The following MED13L variants were observed in gnomAD, a reference collection of about 807,000 sequenced individuals.
MED13L encodes the protein mediator of RNA polymerase II transcription subunit 13-like.
A neutral mutation model predicts 220.9 loss-of-function variants in MED13L; 7 were observed. The observed-to-expected ratio is 0.03, with a 90% confidence interval of 0.02 to 0.06. MED13L has a LOEUF of 0.06. Ranked by LOEUF, MED13L falls within the 10% of genes least tolerant of loss-of-function variation. MED13L has a pLI of 1.00. For missense variants in MED13L, 1,965 were observed against 2,760.5 expected (o/e 0.71, Z 6.46); for synonymous variants, 1,011 against 1,015.2 (o/e 1.00, Z 0.08).
rs560587245 is a variant in MED13L, at chr12:116,158,518, T to A, written c.311-47006A>T. On this transcript the variant is annotated intron_variant, in intron 2 of 30. Transcript: ENST00000281928. ...AACTAATTGGCAAAGATAAGTCCGATTTGGTGATATTTAAACAATACATGG... is the reference window on the plus strand; with the variant it reads ...AACTAATTGGCAAAGATAAGTCCGAATTGGTGATATTTAAACAATACATGG... 1.2e-3 allele frequency among the ~76,000 whole-genome samples: 190 copies of A among 152,308 alleles called. 2 individuals carry two copies. Among genetic ancestry groups the A allele is most frequent in the African/African-American group, 4.3e-3 (179 of 41,568 alleles).
chr12:115,961,351 G>A lies in MED13L; in HGVS notation c.6548C>T (p.Pro2183Leu), dbSNP rs151124575. Residue 2183 changes from proline (P) to leucine (L), a missense_variant, in exon 31 of 31, where the codon CCG becomes CTG. Physicochemically the swap from Pro to Leu is moderately conservative, Grantham distance 98. Around this residue, in one of 10 missense-constraint regions of MED13L, gnomAD observed 145 missense variants for 328.3 expected, o/e 0.44. Coordinates refer to ENST00000281928, the MANE Select transcript of MED13L (RefSeq NM_015335.5). ...GCAGGAAGTACGGTCCTGGGTGGCC[G>A]GATTGCACGTGAGCCAGGACAGAGC... ...YNALSWLTCN[P>L]ATQDRTSCLP... 6.8e-6 allele frequency: 11 copies of A among 1,613,994 alleles called. No homozygotes were observed. The highest frequency in any genetic ancestry group is 2.7e-5 in the African/African-American group (2 of 74,918).
Position 115,982,545 on chromosome 12 carries a change from C to G in MED13L, c.5014G>C (p.Ala1672Pro). 6.2e-7 allele frequency: 1 copy of G among 1,614,126 alleles called. No individual in the cohort carries two copies. The highest frequency in any genetic ancestry group is 8.5e-7 in the Non-Finnish European group (1 of 1,180,010). The change falls in exon 22 of 31, where the codon GCC becomes CCC. Residue 1672 changes from alanine (A) to proline (P), a missense_variant. Ala to Pro is a conservative substitution (Grantham distance 27, BLOSUM62 -1). Coordinates refer to ENST00000281928, the MANE Select transcript of MED13L (RefSeq NM_015335.5). ...TAAATGACAACAGCTGGAGGGTGGG[C>G]ATGGCTGTCTGCAGAGTCAGGCTCC... is the stretch of plus-strand genomic sequence containing the variant. ...PTEPDSADSH[A>P]HPPAVVIYMV...
Position 115,982,501 on chromosome 12 carries a change from C to G in MED13L, c.5058G>C (p.Thr1686=). 6.2e-7 allele frequency: 1 copy of G among 1,614,132 alleles called. No homozygotes were observed. The highest frequency in any genetic ancestry group is 8.5e-7 in the Non-Finnish European group (1 of 1,179,984). The change falls in exon 22 of 31, where the codon ACG becomes ACC. Residue 1686 remains threonine (T), a synonymous_variant. Transcript: ENST00000281928. ...AAGTGGAGTCCTCCTCTGCAGCATA[C>G]GTGAACGGGTCCACCATGTAAATGA... The part of the protein sequence containing the change: ...AVVIYMVDPF[T]YAAEEDSTSG...
chr12:116,017,041 C>T (rs1401908499), intron 7 of MED13L, among the ~76,000 whole-genome samples: 2 of 152,188 alleles, frequency 1.3e-5, no homozygotes, highest in East Asian at 1.9e-4. Context: ...TGTAATTCAA[C>T]ATCCTATGAT....
intron 16 of MED13L, among the ~76,000 whole-genome samples, chr12:115,993,045 TACA>T (rs1389044079): frequency 1.3e-5 from 2 of 151,688 alleles, no homozygotes; most frequent in African/African-American, 4.8e-5. Context: ...AACAGTAAAG[TACA>T]ACATTTATAT....
At chr12:116,035,001 T>TCAAAAA (rs1358848928) in intron 4 of MED13L, among the ~76,000 whole-genome samples, 12 of 151,964 alleles carry the variant, frequency 7.9e-5, no homozygotes, top group South Asian at 2.1e-4. Context: ...CGAGACTGTC[T>TCAAAAA]CAAAAACAAA....
At chr12:116,083,688 A>T (rs190350241) in intron 4 of MED13L, among the ~76,000 whole-genome samples, 3 of 152,266 alleles carry the variant, frequency 2.0e-5, no homozygotes, top group Admixed American at 2.0e-4. Context: ...TGCACGTACA[A>T]AAAGTCATAA....
chr12:116,231,897 T>C (rs1448598347), intron 2 of MED13L, among the ~76,000 whole-genome samples: 3 of 152,160 alleles, frequency 2.0e-5, no homozygotes, highest in Admixed American at 6.5e-5. Flanking sequence ...CTTGGAGTTA[T>C]CTAAACAAAG....
intron 2 of MED13L, among the ~76,000 whole-genome samples, chr12:116,154,526 A>G (rs1239381881): frequency 6.6e-6 from 1 of 152,182 alleles, no homozygotes; most frequent in Non-Finnish European, 1.5e-5. Context: ...CCATGTTGTG[A>G]GATCAAACTC....
intron 2 of MED13L, among the ~76,000 whole-genome samples, chr12:116,145,318 C>T (rs1279233432): frequency 6.6e-6 from 1 of 152,186 alleles, no homozygotes; most frequent in Non-Finnish European, 1.5e-5. Flanking sequence ...AAGATTTCCT[C>T]ATCACAGGCT....
chr12:116,195,208 G>A (rs1208486583), intron 2 of MED13L, among the ~76,000 whole-genome samples: 1 of 151,900 alleles, frequency 6.6e-6, no homozygotes, highest in East Asian at 1.9e-4. Flanking sequence ...AAAGATGCAG[G>A]TGTATCTACC....
intron 4 of MED13L, among the ~76,000 whole-genome samples, chr12:116,092,290 G>A (rs1872291561): frequency 6.6e-6 from 1 of 152,142 alleles, no homozygotes; most frequent in African/African-American, 2.4e-5. Flanking sequence ...TTCTAGACTA[G>A]GGATCCCTTC....
chr12:116,249,959 C>A (rs1220639935), intron 1 of MED13L, among the ~76,000 whole-genome samples: 2 of 145,210 alleles, frequency 1.4e-5, no homozygotes, highest in Non-Finnish European at 3.0e-5. Flanking sequence ...CACACTGTCT[C>A]CAAGTTTCAT....
intron 26 of MED13L, 95 bp downstream of exon 26, chr12:115,971,983 A>C (rs904604410): frequency 1.5e-6 from 2 of 1,343,580 alleles, no homozygotes; most frequent in East Asian, 4.8e-5. Context: ...ATAGAAATAT[A>C]ATGAAGACAA....
At chr12:116,189,940 G>A (rs537632317) in intron 2 of MED13L, among the ~76,000 whole-genome samples, 1 of 152,210 alleles carries the variant, frequency 6.6e-6, no homozygotes, top group Non-Finnish European at 1.5e-5. Context: ...TTTTTGGGGG[G>A]AGGGGAGAAG....
At chr12:115,962,475 A>AC (rs1342681119) in intron 30 of MED13L, among the ~76,000 whole-genome samples, 2 of 152,170 alleles carry the variant, frequency 1.3e-5, no homozygotes, top group Admixed American at 6.5e-5. Context: ...CAAGGCATGG[A>AC]CGGGGGTTGG....
chr12:116,147,197 G>C (rs1299848511), intron 2 of MED13L, among the ~76,000 whole-genome samples: 1 of 152,128 alleles, frequency 6.6e-6, no homozygotes, highest in East Asian at 1.9e-4. Flanking sequence ...AGATAGTCAA[G>C]CTTCTTAGCT....
Position 116,011,630 on chromosome 12 carries a change from G to A in MED13L, c.1280+1167C>T, listed in dbSNP as rs771550874. Among the ~76,000 whole-genome samples, 18 of 152,300 alleles carry A rather than the reference G, an allele frequency of 1.2e-4. No homozygotes were observed. The Middle Eastern group carries it at 0.01, about 86-fold the overall frequency. On this transcript the variant is annotated intron_variant, in intron 9 of 30. Transcript: ENST00000281928. ...ACTTTTTGTCACACAATTCACAAGA[G>A]CCTAGAGACAAGAGTAAAGTAGGTA...
At chr12:116,107,821 G>A (rs1002470504) in intron 3 of MED13L, among the ~76,000 whole-genome samples, 2 of 152,238 alleles carry the variant, frequency 1.3e-5, no homozygotes, top group African/African-American at 2.4e-5. Flanking sequence ...GCCGGGCGCC[G>A]TGGCTCATGC....
Sources: gnomAD v4.1 joint callset for allele counts (sites outside exome capture counted in the v4.1 genomes callset) on GRCh38, gnomAD v4.1.1 for gene constraint, gnomAD v4.1.1 regional missense constraint, MANE v1.5 for transcripts, NCBI Gene and HGNC (gene_info 2026-07-23, HGNC 2026-07-21) for gene names.